Variants in KAZN observed in about 807,000 individuals in gnomAD.
KAZN encodes the protein kazrin, periplakin interacting protein.
In KAZN, 40 loss-of-function variants were observed where a neutral mutation model predicts 87.4. The ratio of observed to expected loss-of-function variants is 0.46; its 90% confidence interval spans 0.36 to 0.60. The LOEUF (loss-of-function observed/expected upper bound fraction) is 0.60, where lower values mean the gene tolerates loss of function less well. Ranked by LOEUF, KAZN falls within the 20% of genes least tolerant of loss-of-function variation. The pLI, the probability that KAZN is intolerant of heterozygous loss-of-function variation, is 0.00. For synonymous variants in KAZN, 466 were observed against 458.3 expected (o/e 1.02, Z -0.22); for missense variants, 898 against 1,073.9 (o/e 0.84, Z 2.29).
intron 2 of KAZN, among the ~76,000 whole-genome samples, chr1:14,517,779 C>T (rs895154289): frequency 2.6e-5 from 4 of 152,244 alleles, no homozygotes; most frequent in Non-Finnish European, 5.9e-5. Context: ...CAGGTCCACA[C>T]AGCTGCCAAG....
chr1:14,935,882 C>A (rs74059674), intron 1 of KAZN, among the ~76,000 whole-genome samples: 5,969 of 152,230 alleles, frequency 0.039, 385 homozygotes, highest in African/African-American at 0.14. Flanking sequence ...GGAGCTGCAG[C>A]CTATAGCACC....
chr1:14,925,960 A>C (rs1042592313), intron 1 of KAZN, among the ~76,000 whole-genome samples: 9 of 152,166 alleles, frequency 5.9e-5, no homozygotes, highest in African/African-American at 2.2e-4. Flanking sequence ...TTTGAGACTC[A>C]ATTTACCCAT....
chr1:14,067,134 TC>T (rs2101540842), intron 1 of KAZN, among the ~76,000 whole-genome samples: 1 of 152,100 alleles, frequency 6.6e-6, no homozygotes, highest in Admixed American at 6.5e-5. Context: ...TCTCTCCTCC[TC>T]CCCGCCCCAA....
At chr1:14,526,094 C>A (rs1671848517) in intron 2 of KAZN, among the ~76,000 whole-genome samples, 1 of 152,216 alleles carries the variant, frequency 6.6e-6, no homozygotes, top group Non-Finnish European at 1.5e-5. Flanking sequence ...ATTTATGATA[C>A]CATTTCCTAA....
chr1:14,678,993 G>C (rs1640408662), intron 1 of KAZN, among the ~76,000 whole-genome samples: 1 of 152,154 alleles, frequency 6.6e-6, no homozygotes, highest in African/African-American at 2.4e-5. Context: ...TAAATGCTGT[G>C]AAAAAGCAGC....
chr1:13,903,011 G>A (rs1368399257), intron 1 of KAZN, among the ~76,000 whole-genome samples: 1 of 152,248 alleles, frequency 6.6e-6, no homozygotes, highest in South Asian at 2.1e-4. Flanking sequence ...AGAAGCAAAT[G>A]AGGTGGGTTT....
chr1:14,183,203 G>A lies in KAZN; in HGVS notation c.249+2611G>A, dbSNP rs551158990. Among the ~76,000 whole-genome samples, 5 of 152,194 alleles carry A rather than the reference G, an allele frequency of 3.3e-5. No individual in the cohort carries two copies. In the South Asian group the frequency reaches 8.3e-4, roughly 25 times the overall value. ...GAACGTCAAAGGCAAAAGCATTGCCGGACTATGAAATTCCACCTCTGAGGA... is the reference window on the plus strand; with the variant it reads ...GAACGTCAAAGGCAAAAGCATTGCCAGACTATGAAATTCCACCTCTGAGGA... On this transcript the variant is annotated intron_variant, in intron 2 of 16. Transcript: ENST00000636203.
chr1:14,783,060 A>T (rs1645404372), intron 1 of KAZN, among the ~76,000 whole-genome samples: 1 of 152,138 alleles, frequency 6.6e-6, no homozygotes, highest in Non-Finnish European at 1.5e-5. Context: ...TAGCATGAAA[A>T]AAAGAGAAAA....
intron 1 of KAZN, chr1:14,924,492 G>T: frequency 2.0e-6 from 2 of 996,872 alleles, no homozygotes; most frequent in Non-Finnish European, 2.4e-6. Context: ...TGCGAGCAGT[G>T]CGTGGACGCG....
intron 1 of KAZN, chr1:13,893,839 G>A: frequency 2.8e-6 from 4 of 1,441,458 alleles, no homozygotes; most frequent in Non-Finnish European, 3.8e-6. Context: ...CGGTCTGTGT[G>A]TGTCTGTGTG....
intron 4 of KAZN, among the ~76,000 whole-genome samples, chr1:15,046,511 C>A (rs753312116): frequency 6.6e-6 from 1 of 152,076 alleles, no homozygotes; most frequent in Non-Finnish European, 1.5e-5. Flanking sequence ...CCGTCCAAAC[C>A]CACGTTGTTC....
intron 1 of KAZN, among the ~76,000 whole-genome samples, chr1:14,956,299 GAA>G (rs35057453): frequency 1.0e-4 from 10 of 99,518 alleles, no homozygotes; most frequent in Non-Finnish European, 7.7e-5. Flanking sequence ...AGAAGTCACT[GAA>G]AAAAAAAAAA....
At chr1:14,995,691 G>A (rs1667796500) in intron 2 of KAZN, among the ~76,000 whole-genome samples, 1 of 151,996 alleles carries the variant, frequency 6.6e-6, no homozygotes, top group Admixed American at 6.6e-5. Flanking sequence ...GGCTCAGTGG[G>A]AGCTTTTGTT....
intron 2 of KAZN, among the ~76,000 whole-genome samples, chr1:14,533,546 G>A (rs575279207): frequency 1.5e-4 from 23 of 152,132 alleles, no homozygotes; most frequent in South Asian, 1.2e-3. Context: ...TGATTGTGTC[G>A]GCAACAGGAT....
At chr1:14,228,533 A>G (rs1209419185) in intron 2 of KAZN, among the ~76,000 whole-genome samples, 2 of 152,176 alleles carry the variant, frequency 1.3e-5, no homozygotes, top group African/African-American at 4.8e-5. Context: ...GGCCATGGGC[A>G]GGTGGGCACA....
intron 10 of KAZN, among the ~76,000 whole-genome samples, chr1:15,097,452 T>C (rs1640851544): frequency 1.3e-5 from 2 of 152,150 alleles, no homozygotes; most frequent in African/African-American, 2.4e-5. Flanking sequence ...TACCAACCCA[T>C]CATCACCTTA....
chr1:14,186,082 T>A (rs1294214573), intron 2 of KAZN, among the ~76,000 whole-genome samples: 4 of 152,190 alleles, frequency 2.6e-5, no homozygotes, highest in Non-Finnish European at 5.9e-5. Flanking sequence ...TCCATAGATC[T>A]GTATAGTGCC....
intron 2 of KAZN, among the ~76,000 whole-genome samples, chr1:14,978,410 T>C (rs1422361506): frequency 1.3e-5 from 2 of 152,174 alleles, no homozygotes; most frequent in African/African-American, 2.4e-5. Context: ...AGGGATGTGA[T>C]GGTGGGGAGG....
At chr1:14,829,710 G>A (rs1268765113) in intron 1 of KAZN, among the ~76,000 whole-genome samples, 1 of 152,256 alleles carries the variant, frequency 6.6e-6, no homozygotes, top group African/African-American at 2.4e-5. Context: ...TGATGTGTGT[G>A]AAGGTCTTGA....
Sources: allele counts gnomAD v4.1 joint callset (sites outside exome capture counted in the v4.1 genomes callset), GRCh38; gene constraint gnomAD v4.1.1; transcripts MANE v1.5; gene names NCBI Gene and HGNC (gene_info 2026-07-23, HGNC 2026-07-21).